The following SNTB2 variants were observed in gnomAD, a reference collection of about 807,000 sequenced individuals.
SNTB2 encodes beta-2-syntrophin.
A neutral mutation model predicts 46.2 loss-of-function variants in SNTB2; 34 were observed. The ratio of observed to expected loss-of-function variants is 0.74; its 90% CI spans 0.56 to 0.98. The LOEUF (loss-of-function observed/expected upper bound fraction) is 0.98. Among genes scored for constraint, SNTB2 ranks in the 50% least tolerant of loss-of-function variants. The pLI is 0.00. For synonymous variants in SNTB2, 290 were observed against 312.6 expected (o/e 0.93, Z 0.76); for missense variants, 603 against 731.4 (o/e 0.82, Z 2.02).
At chr16:69,235,929 G>A in intron 1 of SNTB2, 1 of 1,096,768 alleles carries the variant, frequency 9.1e-7, no homozygotes, top group Non-Finnish European at 1.2e-6. Flanking sequence ...TGGTTTATCT[G>A]TGCTACATCT....
chr16:69,281,494 T>TTTG (rs1567413944), intron 4 of SNTB2, among the ~76,000 whole-genome samples: 1 of 150,270 alleles, frequency 6.7e-6, no homozygotes, highest in Admixed American at 6.6e-5. Flanking sequence ...GGTTTTTTTT[T>TTTG]TTTTGTTTTT....
rs768171237 is a variant in SNTB2, at chr16:69,260,221, C to T, written c.966C>T (p.Gly322=). The T allele has an allele frequency of 6.2e-7, 1 of 1,614,114 alleles. No individual in the cohort carries two copies. The highest frequency in any genetic ancestry group is 8.5e-7 in the Non-Finnish European group (1 of 1,180,044). ...TTGGGGCAACCAGTACAGCAGGAGG[C>T]AGTAAAGAGGTGAAGCATATTGCCT... ...AMLGATSTAG[G]SKEVKHIAWL... The change falls in exon 3 of 7, where the codon GGC becomes GGT. Residue 322 remains glycine (G), a synonymous_variant. Transcript: ENST00000336278.
At chr16:69,257,364 A>G (rs993425876) in intron 2 of SNTB2, among the ~76,000 whole-genome samples, 1 of 151,956 alleles carries the variant, frequency 6.6e-6, no homozygotes, top group Non-Finnish European at 1.5e-5. Flanking sequence ...TCTGAGTAAC[A>G]TGAACTTTCA....
At chr16:69,251,048 G>A (rs1019512722) in intron 2 of SNTB2, among the ~76,000 whole-genome samples, 1 of 143,708 alleles carries the variant, frequency 7.0e-6, no homozygotes, top group Admixed American at 7.0e-5. Flanking sequence ...GCGGGATCTC[G>A]GCTCACTGCA....
At chr16:69,267,933 G>A (rs1179433881) in intron 3 of SNTB2, among the ~76,000 whole-genome samples, 1 of 152,220 alleles carries the variant, frequency 6.6e-6, no homozygotes, top group Non-Finnish European at 1.5e-5. Context: ...TGAGCTGAAG[G>A]ATCAGTGTTA....
chr16:69,290,546 A>C (rs1403099144), intron 5 of SNTB2, among the ~76,000 whole-genome samples: 2 of 152,102 alleles, frequency 1.3e-5, no homozygotes, highest in Non-Finnish European at 2.9e-5. Flanking sequence ...TTCTGTGACC[A>C]TATTATTCAC....
At position 69,245,523 on chromosome 16, in the gene SNTB2, A is replaced by T. The variant is rs1295832450; in HGVS notation, c.581-79A>T. 7.5e-6 allele frequency: 10 copies of T among 1,329,968 alleles called. No homozygotes were observed. The East Asian group carries it at 1.1e-4, about 15-fold the overall frequency. The allele number at this position is 1,329,968 out of a possible 1,614,324, so 82.4% of individuals were successfully genotyped here. A position where few individuals can be genotyped will look rare whatever the true frequency, so the allele number is the denominator to read the frequency against. On this transcript the variant is annotated intron_variant, in intron 1 of 6. Coordinates refer to ENST00000336278, the MANE Select transcript of SNTB2 (RefSeq NM_006750.4). ...TCCTCCACTTTGTTATAGATATAGC[A>T]TGTATGTGAATACTTTAGTTATCAT...
chr16:69,258,722 C>T (rs1356730703), intron 2 of SNTB2, among the ~76,000 whole-genome samples: 1 of 150,634 alleles, frequency 6.6e-6, no homozygotes, highest in Non-Finnish European at 1.5e-5. Flanking sequence ...AGCAATTCTC[C>T]TGCCTCAGCC....
At chr16:69,254,291 A>G (rs1251941491) in intron 2 of SNTB2, among the ~76,000 whole-genome samples, 2 of 152,102 alleles carry the variant, frequency 1.3e-5, no homozygotes, top group Non-Finnish European at 2.9e-5. Flanking sequence ...CTTTACTCTC[A>G]CTTCCAGAGG....
intron 1 of SNTB2, among the ~76,000 whole-genome samples, chr16:69,232,818 A>G (rs1203146311): frequency 6.6e-6 from 1 of 152,124 alleles, no homozygotes; most frequent in Non-Finnish European, 1.5e-5. Context: ...CCAAAAGGCC[A>G]TAATTTTTAA....
At chr16:69,281,079 G>A (rs1201272667) in intron 4 of SNTB2, among the ~76,000 whole-genome samples, 2 of 152,148 alleles carry the variant, frequency 1.3e-5, no homozygotes, top group African/African-American at 4.8e-5. Flanking sequence ...ACAGGCATGA[G>A]CCACCGCGCC....
chr16:69,288,637 TC>T (rs902643914), intron 5 of SNTB2, among the ~76,000 whole-genome samples: 1 of 152,152 alleles, frequency 6.6e-6, no homozygotes, highest in African/African-American at 2.4e-5. Flanking sequence ...TGAATATTTC[TC>T]AAAAAGCTAA....
intron 1 of SNTB2, among the ~76,000 whole-genome samples, chr16:69,223,903 T>A (rs1964432543): frequency 6.6e-6 from 1 of 152,234 alleles, no homozygotes; most frequent in Non-Finnish European, 1.5e-5. Context: ...GTGTTGGGAT[T>A]ACAGGCGTGA....
intron 1 of SNTB2, among the ~76,000 whole-genome samples, chr16:69,198,211 C>T (rs368391777): frequency 9.3e-5 from 14 of 151,102 alleles, no homozygotes; most frequent in African/African-American, 2.4e-4. Context: ...CGGGTTCAAG[C>T]GATTCTCCTG....
chr16:69,222,710 A>T (rs767837730), intron 1 of SNTB2, among the ~76,000 whole-genome samples: 1 of 152,188 alleles, frequency 6.6e-6, no homozygotes. Flanking sequence ...GACTAGAAGG[A>T]AAGATACGTT....
rs146022874 is a variant in SNTB2 at position 69,238,393 on chromosome 16, T to C, written c.581-7209T>C. The stretch of plus-strand genomic sequence containing the variant: ...GCCATGGGATACTACACTCTATTTT[T>C]CCATGTGGTTTCCCTGCACTCTGCC... On this transcript the variant is annotated intron_variant, in intron 1 of 6. Coordinates refer to ENST00000336278, the MANE Select transcript of SNTB2 (RefSeq NM_006750.4). Among the ~76,000 whole-genome samples, 646 of 152,278 alleles carry C rather than the reference T, an allele frequency of 4.2e-3. 6 individuals are homozygous for C. The highest frequency in any genetic ancestry group is 0.015 in the African/African-American group (620 of 41,556).
intron 1 of SNTB2, among the ~76,000 whole-genome samples, chr16:69,190,420 A>G (rs1239766442): frequency 6.6e-6 from 1 of 152,204 alleles, no homozygotes; most frequent in South Asian, 2.1e-4. Context: ...CATTCATCAG[A>G]TATTTACTTA....
At chr16:69,256,015 G>A (rs574602291) in intron 2 of SNTB2, among the ~76,000 whole-genome samples, 169 of 151,192 alleles carry the variant, frequency 1.1e-3, no homozygotes, top group Non-Finnish European at 2.0e-3. Flanking sequence ...GTGAAACCCC[G>A]TCTCTACTAA....
chr16:69,286,023 C>A (rs1188195848), intron 5 of SNTB2, among the ~76,000 whole-genome samples: 1 of 152,090 alleles, frequency 6.6e-6, no homozygotes, highest in African/African-American at 2.4e-5. Context: ...GAACTTCTGA[C>A]CTCAGGTGAT....
Sources: allele counts gnomAD v4.1 joint callset (sites outside exome capture counted in the v4.1 genomes callset), GRCh38; gene constraint gnomAD v4.1.1; transcripts MANE v1.5; gene names NCBI Gene and HGNC (gene_info 2026-07-23, HGNC 2026-07-21).